VWF: variants seen among roughly 807,000 people sequenced by gnomAD.
VWF encodes Factor VIII related antigen.
Under a neutral mutation model 308.6 loss-of-function variants are expected in VWF, and 176 were observed. That is an observed-to-expected ratio of 0.57 (90% CI 0.50 to 0.65). The LOEUF is 0.65. Ranked by LOEUF, VWF falls within the 30% of genes least tolerant of loss-of-function variation. The pLI, the probability that VWF is intolerant of heterozygous loss-of-function variation, is 0.00. For synonymous variants in VWF, 1,385 were observed against 1,443.4 expected, an observed-to-expected ratio of 0.96 and a Z score of 0.92; for missense variants, 3,146 against 3,648.2, an observed-to-expected ratio of 0.86 and a Z score of 3.55.
chr12:6,079,417 T>C (rs1012966712), intron 6 of VWF, among the ~76,000 whole-genome samples: 21 of 151,910 alleles, frequency 1.4e-4, no homozygotes, highest in South Asian at 6.3e-4. Context: ...CCATCCTGGC[T>C]AACACGGTGA....
At chr12:6,073,926 ACATCTTC>A (rs1441982239) in intron 7 of VWF, among the ~76,000 whole-genome samples, 185 bp from the exon 8 acceptor site, 3 of 152,004 alleles carry the variant, frequency 2.0e-5, no homozygotes, top group Non-Finnish European at 4.4e-5. Flanking sequence ...CCTTAGATGA[ACATCTTC>A]CATCTTGTGA....
At chr12:6,124,260 A>T (rs1456139684) in intron 1 of VWF, among the ~76,000 whole-genome samples, 161 bp downstream of exon 1, 1 of 152,210 alleles carries the variant, frequency 6.6e-6, no homozygotes, top group Non-Finnish European at 1.5e-5. Flanking sequence ...AGGCAAGTGG[A>T]GGAGGGAGTA....
intron 5 of VWF, 38 bp from the exon 6 acceptor site, chr12:6,095,622 A>G (rs750326788): frequency 6.2e-7 from 1 of 1,613,868 alleles, no homozygotes; most frequent in Non-Finnish European, 8.5e-7. Context: ...TGCTTCAGTT[A>G]TGCCTGTCCC....
At position 6,063,537 on chromosome 12, in the gene VWF, G is replaced by T. The variant is rs1298300741; in HGVS notation, c.1433-483C>A. 6.6e-6 allele frequency among the ~76,000 whole-genome samples: 1 copy of T among 152,108 alleles called. No homozygotes were observed. The highest frequency in any genetic ancestry group is 2.4e-5 in the African/African-American group (1 of 41,408). ...TAGGAGCACACCCCTTGCCCTGGGGGAACAAACATATCTTATAAGGAGACA... is the reference window on the plus strand; with the variant it reads ...TAGGAGCACACCCCTTGCCCTGGGGTAACAAACATATCTTATAAGGAGACA... On this transcript the variant is annotated intron_variant, in intron 12 of 51. Coordinates refer to ENST00000261405, the MANE Select transcript of VWF (RefSeq NM_000552.5). This position sits in a 1 kb window ranked among gnomAD's most constrained non-coding sequence, Gnocchi z 4.9.
intron 5 of VWF, among the ~76,000 whole-genome samples, chr12:6,109,425 T>C (rs957330708): frequency 2.6e-5 from 4 of 152,062 alleles, no homozygotes; most frequent in African/African-American, 9.7e-5. Flanking sequence ...ATAAAATCAG[T>C]GCTGGAGAAA....
rs1242670462 is a variant in VWF, at chr12:6,092,626, T to TGAGAGTGAGAGTGAGAGAGAGAGAGA, written c.657+2833_657+2834insTCTCTCTCTCTCTCACTCTCACTCTC. The stretch of plus-strand genomic sequence containing the variant: ...GTTAGTGAGTGAGTGAGAGTGTGTG[T>TGAGAGTGAGAGTGAGAGAGAGAGAGA]GTGTGTGTGTGTGTGTGTGTGTGTG... On this transcript the variant is annotated intron_variant, in intron 6 of 51. Transcript: ENST00000261405. 6.2e-4 allele frequency among the ~76,000 whole-genome samples: 52 copies of TGAGAGTGAGAGTGAGAGAGAGAGAGA among 83,520 alleles called. 2 individuals are homozygous for TGAGAGTGAGAGTGAGAGAGAGAGAGA. The highest frequency in any genetic ancestry group is 3.2e-3 in the African/African-American group (50 of 15,538). 54.8% of individuals were successfully genotyped at this position (83,520 alleles called of 152,430 possible).
In VWF at chr12:6,025,697, G is replaced by A. The variant is rs768554777; in HGVS notation, c.3109-4C>T. The stretch of plus-strand genomic sequence containing the variant: ...CAGGGGATGAGTCCAGAGGCACCTG[G>A]GAACCAGGCAAGAGATAGGCCAGCC... On this transcript the variant is annotated splice_region_variant and splice_polypyrimidine_tract_variant and intron_variant, in intron 23 of 51. Transcript: ENST00000261405. The A allele has an allele frequency of 7.7e-6, 11 of 1,422,764 alleles. No homozygotes were observed. In the Admixed American group the frequency reaches 2.0e-4, roughly 25 times the overall value. 88.1% of individuals were successfully genotyped at this position (1,422,764 alleles called of 1,614,324 possible). A position where few individuals can be genotyped will look rare whatever the true frequency, so the allele number is the denominator to read the frequency against.
chr12:6,021,814 C>T, intron 27 of VWF, 86 bp downstream of exon 27: 1 of 1,566,334 alleles, frequency 6.4e-7, no homozygotes, highest in Non-Finnish European at 8.8e-7. Context: ...GTGGCTAGGA[C>T]TTTTTACCCA....
intron 6 of VWF, among the ~76,000 whole-genome samples, chr12:6,088,354 A>C (rs898975864): frequency 1.3e-5 from 2 of 151,970 alleles, no homozygotes; most frequent in African/African-American, 2.4e-5. Context: ...TGACAGGCGC[A>C]TGTAGTCCCA....
intron 48 of VWF, 123 bp from the exon 49 acceptor site, chr12:5,952,642 A>C: frequency 2.9e-6 from 4 of 1,365,364 alleles, no homozygotes; most frequent in Non-Finnish European, 4.0e-6. Flanking sequence ...ACAAGAAGAC[A>C]GTGTATAATA....
chr12:6,049,636 G>A (rs969444034), intron 16 of VWF, among the ~76,000 whole-genome samples: 1 of 152,178 alleles, frequency 6.6e-6, no homozygotes, highest in East Asian at 1.9e-4. Flanking sequence ...GGCTGATTTA[G>A]GAAAGTGATA....
chr12:5,985,145 G>T, intron 39 of VWF, 26 bp from the exon 40 acceptor site: 1 of 1,611,254 alleles, frequency 6.2e-7, no homozygotes, highest in Non-Finnish European at 8.5e-7. Context: ...GGCCACAAAA[G>T]TCAGAGAAAT....
chr12:5,957,745 A>ATT (rs1259692285), intron 47 of VWF, among the ~76,000 whole-genome samples: 2 of 152,240 alleles, frequency 1.3e-5, no homozygotes, highest in Non-Finnish European at 2.9e-5. Flanking sequence ...GCACTAAAAG[A>ATT]AGTTCTTTAG....
In VWF at chr12:6,018,947, T is replaced by C; in HGVS notation, c.4471A>G (p.Lys1491Glu). The C allele has an allele frequency of 1.2e-6, 2 of 1,613,894 alleles. No individual in the cohort carries two copies. The highest frequency in any genetic ancestry group is 8.5e-7 in the Non-Finnish European group (1 of 1,179,838). Residue 1491 changes from lysine (K) to glutamate (E), a missense_variant, in exon 28 of 52, where the codon AAG (lysine) becomes GAG (glutamate). Transcript: ENST00000261405. ...GLLGVSTLGPKRNSMVLDVAF... is the reference protein window; with the variant it reads ...GLLGVSTLGPERNSMVLDVAF... ...ACATCCAGAACCATGGAGTTCCTCT[T>C]GGGCCCCAGGGTCGAAACCCCCAAG...
chr12:6,015,447 A>C (rs1247363036), intron 31 of VWF, among the ~76,000 whole-genome samples: 2 of 152,070 alleles, frequency 1.3e-5, no homozygotes, highest in African/African-American at 2.4e-5. Context: ...AAAGATGAAC[A>C]GTTCTCCAGG....
At chr12:6,069,495 C>T (rs942862702) in intron 10 of VWF, among the ~76,000 whole-genome samples, 7 of 152,118 alleles carry the variant, frequency 4.6e-5, no homozygotes, top group African/African-American at 1.2e-4. Context: ...AGAACCATAC[C>T]GCCTATTCTT....
At chr12:5,989,318 T>C (rs1448783660) in intron 38 of VWF, among the ~76,000 whole-genome samples, 1 of 152,250 alleles carries the variant, frequency 6.6e-6, no homozygotes, top group Non-Finnish European at 1.5e-5. Context: ...TACCCTAGTT[T>C]ATTTCCCTTA....
chr12:5,986,778 G>A (rs553845763), intron 38 of VWF, among the ~76,000 whole-genome samples: 49 of 152,272 alleles, frequency 3.2e-4, no homozygotes, highest in African/African-American at 1.1e-3. Context: ...CAGTCCTACG[G>A]TGAGGATATG....
chr12:5,985,519 C>T (rs1481788550), intron 39 of VWF, 44 bp downstream of exon 39: 10 of 1,593,266 alleles, frequency 6.3e-6, no homozygotes, highest in East Asian at 2.2e-5. Context: ...CTTGCAGGGG[C>T]CCTTGTTCCT....
Sources: gnomAD v4.1 joint callset for allele counts (sites outside exome capture counted in the v4.1 genomes callset) on GRCh38, gnomAD v4.1.1 for gene constraint, Gnocchi (gnomAD v3.1) non-coding constraint, MANE v1.5 for transcripts, NCBI Gene and HGNC (gene_info 2026-07-23, HGNC 2026-07-21) for gene names.